Variants in FGF12 observed in about 807,000 individuals in gnomAD.
FGF12 encodes fibroblast growth factor 12B.
FGF12 carries 14 observed loss-of-function variants against 23.6 expected under a neutral mutation model. The observed-to-expected ratio is 0.59, with a 90% CI of 0.39 to 0.93. The LOEUF is 0.93. FGF12 is among the 40% of genes least tolerant of loss of function. The probability of loss-of-function intolerance (pLI) is 0.00; values close to 1 mark genes in which losing one functional copy is unlikely to be tolerated. For synonymous variants in FGF12, 62 were observed against 77.3 expected (o/e 0.80, Z 1.04); for missense variants, 175 against 217.8 (o/e 0.80, Z 1.24).
Position 192,298,902 on chromosome 3 carries a change from C to G in FGF12, c.228+36459G>C, listed in dbSNP as rs2064152120. ...GCATATCACATGGTGAGAGAGGGAGCAAGAGAACAAACAGAACATGTCAGG... is the reference window on the plus strand; with the variant it reads ...GCATATCACATGGTGAGAGAGGGAGGAAGAGAACAAACAGAACATGTCAGG... On this transcript the variant is annotated intron_variant, in intron 4 of 5. Coordinates refer to ENST00000445105, the MANE Select transcript of FGF12 (RefSeq NM_004113.6). Among the ~76,000 whole-genome samples the G allele has an allele frequency of 2.6e-5, 4 of 152,092 alleles. No homozygotes were observed. The South Asian group carries it at 6.2e-4, about 24-fold the overall frequency.
chr3:192,702,873 A>G (rs1450982484), intron 2 of FGF12, among the ~76,000 whole-genome samples: 2 of 152,210 alleles, frequency 1.3e-5, no homozygotes, highest in African/African-American at 4.8e-5. Flanking sequence ...TAAAGAGTTG[A>G]TTACATATAA....
chr3:192,667,724 C>G (rs1258627361), intron 2 of FGF12, among the ~76,000 whole-genome samples: 2 of 150,932 alleles, frequency 1.3e-5, no homozygotes, highest in Non-Finnish European at 2.9e-5. Context: ...AGTGAAACAG[C>G]ATAGAGTATC....
At chr3:192,299,611 T>G (rs1283316112) in intron 4 of FGF12, among the ~76,000 whole-genome samples, 1 of 152,208 alleles carries the variant, frequency 6.6e-6, no homozygotes, top group Non-Finnish European at 1.5e-5. Context: ...ACATTTAACT[T>G]TGTTCTAGGC....
chr3:192,158,391 C>CT (rs1163929214), intron 5 of FGF12, among the ~76,000 whole-genome samples: 37 of 77,066 alleles, frequency 4.8e-4, no homozygotes, highest in South Asian at 2.2e-3. Flanking sequence ...TCTTTTCTTT[C>CT]TCTCTCTTTC....
At chr3:192,447,417 T>A (rs1002127759) in intron 2 of FGF12, among the ~76,000 whole-genome samples, 3 of 152,178 alleles carry the variant, frequency 2.0e-5, no homozygotes, top group Non-Finnish European at 4.4e-5. Flanking sequence ...TTAGTACAGC[T>A]GATTATTAAA....
chr3:192,456,242 T>C (rs957291257), intron 2 of FGF12, among the ~76,000 whole-genome samples: 1 of 152,222 alleles, frequency 6.6e-6, no homozygotes, highest in Admixed American at 6.5e-5. Context: ...TACACAGTTA[T>C]CAAAAATTTC....
intron 2 of FGF12, among the ~76,000 whole-genome samples, chr3:192,570,062 G>A (rs569430493): frequency 3.3e-5 from 5 of 152,140 alleles, no homozygotes; most frequent in Non-Finnish European, 7.4e-5. Context: ...GAATCTATAG[G>A]TTTTAATAAA....
At chr3:192,608,839 C>A (rs1714443370) in intron 2 of FGF12, among the ~76,000 whole-genome samples, 1 of 152,102 alleles carries the variant, frequency 6.6e-6, no homozygotes, top group Admixed American at 6.6e-5. Context: ...CATAACATGA[C>A]TCTTTAGGTT....
chr3:192,651,995 T>G (rs1425617040), intron 2 of FGF12, among the ~76,000 whole-genome samples: 2 of 152,170 alleles, frequency 1.3e-5, no homozygotes, highest in Non-Finnish European at 2.9e-5. Flanking sequence ...GAGAAGAGAT[T>G]GGAAGGCTCA....
chr3:192,388,778 A>G (rs1720162475), intron 2 of FGF12, among the ~76,000 whole-genome samples: 1 of 152,140 alleles, frequency 6.6e-6, no homozygotes, highest in Non-Finnish European at 1.5e-5. Context: ...TTCTATAAAT[A>G]AGTATTCAAG....
At chr3:192,537,277 C>T (rs1725246765) in intron 2 of FGF12, among the ~76,000 whole-genome samples, 1 of 152,090 alleles carries the variant, frequency 6.6e-6, no homozygotes, top group Non-Finnish European at 1.5e-5. Context: ...GTGTAGAAAT[C>T]TCTTTGATAC....
In FGF12 at chr3:192,507,288, T is replaced by G. The variant is rs1724339213; in HGVS notation, c.14-146750A>C. On this transcript the variant is annotated intron_variant, in intron 2 of 5. Transcript: ENST00000445105. ...GTCAATTAAGGGGCTTAGCATTTAG[T>G]TGTAGTTTATACTGCCATTAGCAAT... 4.0e-5 allele frequency among the ~76,000 whole-genome samples: 6 copies of G among 151,510 alleles called. No individual in the cohort carries two copies. In the South Asian group the frequency reaches 1.3e-3, roughly 32 times the overall value.
intron 4 of FGF12, among the ~76,000 whole-genome samples, chr3:192,327,547 T>C (rs994239317): frequency 1.4e-5 from 2 of 143,998 alleles, no homozygotes; most frequent in Admixed American, 7.1e-5. Flanking sequence ...AAACAAATCA[T>C]CGCTATAGTT....
intron 4 of FGF12, among the ~76,000 whole-genome samples, chr3:192,237,345 G>A (rs1446357866): frequency 1.3e-5 from 2 of 151,932 alleles, no homozygotes; most frequent in South Asian, 4.2e-4. Context: ...ATTTTGCAGG[G>A]GTTCTCTGAA....
At chr3:192,650,497 C>A (rs1181028775) in intron 2 of FGF12, among the ~76,000 whole-genome samples, 2 of 152,188 alleles carry the variant, frequency 1.3e-5, no homozygotes, top group Non-Finnish European at 2.9e-5. Context: ...CAAACAACAA[C>A]CCACTCCCTT....
chr3:192,300,573 G>A (rs1452184992), intron 4 of FGF12, among the ~76,000 whole-genome samples: 2 of 151,894 alleles, frequency 1.3e-5, no homozygotes, highest in African/African-American at 4.8e-5. Context: ...TAAGAGTGAA[G>A]AGTTGTAGAT....
intron 4 of FGF12, among the ~76,000 whole-genome samples, chr3:192,305,854 G>GTTTTTTTTTT (rs755560177): frequency 1.0e-4 from 8 of 77,466 alleles, no homozygotes; most frequent in East Asian, 4.6e-4. Flanking sequence ...CATCTCTCTG[G>GTTTTTTTTTT]TTTTTTTTTT....
intron 2 of FGF12, among the ~76,000 whole-genome samples, chr3:192,506,480 C>G (rs1156358164): frequency 6.6e-6 from 1 of 152,178 alleles, no homozygotes; most frequent in Non-Finnish European, 1.5e-5. Context: ...AAGCGATTCT[C>G]CTGCCTCAGC....
At chr3:192,275,099 G>T (rs1438190259) in intron 4 of FGF12, among the ~76,000 whole-genome samples, 1 of 152,104 alleles carries the variant, frequency 6.6e-6, no homozygotes, top group Non-Finnish European at 1.5e-5. Flanking sequence ...CTATCTATAA[G>T]TAATCAGACT....
Sources: allele counts gnomAD v4.1 joint callset (sites outside exome capture counted in the v4.1 genomes callset), GRCh38; gene constraint gnomAD v4.1.1; transcripts MANE v1.5; gene names NCBI Gene and HGNC (gene_info 2026-07-23, HGNC 2026-07-21).